GSE1: variants seen among roughly 807,000 people sequenced by gnomAD.
The protein encoded by GSE1 is Gse1 coiled-coil protein.
A neutral mutation model predicts 112.6 loss-of-function variants in GSE1; 32 were observed. The ratio of observed to expected loss-of-function variants is 0.28; its 90% CI spans 0.21 to 0.38. The LOEUF (loss-of-function observed/expected upper bound fraction) is 0.38. GSE1 is among the 10% of genes least tolerant of loss of function. The pLI is 1.00. For synonymous variants in GSE1, 1,115 were observed against 735.6 expected (o/e 1.52, Z -8.35); for missense variants, 2,348 against 1,699.2 (o/e 1.38, Z -6.71).
intron 2 of GSE1, among the ~76,000 whole-genome samples, chr16:85,644,416 C>T (rs1033072053): frequency 2.6e-5 from 4 of 151,456 alleles, no homozygotes; most frequent in African/African-American, 9.7e-5. Flanking sequence ...AGCCTGTATG[C>T]CACCAGCTGA....
intron 2 of GSE1, among the ~76,000 whole-genome samples, chr16:85,451,029 G>C (rs535642416): frequency 7.8e-6 from 1 of 127,530 alleles, no homozygotes; most frequent in South Asian, 2.6e-4. Flanking sequence ...AGCCAAGATC[G>C]CACCACTGCA....
intron 1 of GSE1, among the ~76,000 whole-genome samples, chr16:85,591,915 C>T (rs897146044): frequency 7.2e-5 from 11 of 152,184 alleles, no homozygotes; most frequent in African/African-American, 2.2e-4. Flanking sequence ...ATGCCCAAAT[C>T]GGAAGCCTCC....
At chr16:85,516,583 T>C (rs2051947929) in intron 2 of GSE1, among the ~76,000 whole-genome samples, 1 of 124,566 alleles carries the variant, frequency 8.0e-6, no homozygotes, top group Non-Finnish European at 1.6e-5. Context: ...GGAGACCCTG[T>C]CTCAAAAAAA....
chr16:85,630,349 C>CCTCAAAAAA (rs2049439039), intron 1 of GSE1, among the ~76,000 whole-genome samples: 1 of 152,180 alleles, frequency 6.6e-6, no homozygotes, highest in South Asian at 2.1e-4. Flanking sequence ...ACTTTATAGA[C>CCTCAAAAAA]ATTCTTTTTA....
chr16:85,370,104 C>G (rs554056674), intron 2 of GSE1, among the ~76,000 whole-genome samples: 41 of 152,276 alleles, frequency 2.7e-4, no homozygotes, highest in Admixed American at 7.8e-4. Flanking sequence ...ACTGGCCGGA[C>G]CCAGGAGGTT....
Position 85,245,153 on chromosome 16 carries a change from C to A in GSE1, c.2283+73346C>A, listed in dbSNP as rs117429057. 9.6e-3 allele frequency among the ~76,000 whole-genome samples: 1,451 copies of A among 151,570 alleles called. 12 individuals carry two copies. Among genetic ancestry groups the A allele is most frequent in the Non-Finnish European group, 0.016 (1,065 of 67,814 alleles). ...CTCCAGCCTGGGTGATAGAGTGAGA[C>A]CCTGTCTCAAGAAACAAAACAAAAC... On this transcript the variant is annotated intron_variant, in intron 1 of 2. Transcript: ENST00000637419.
At chr16:85,564,360 G>A (rs2045649043) in intron 1 of GSE1, among the ~76,000 whole-genome samples, 1 of 152,220 alleles carries the variant, frequency 6.6e-6, no homozygotes, top group Non-Finnish European at 1.5e-5. Flanking sequence ...CTGGGCATGG[G>A]GCCATCCCTG....
intron 1 of GSE1, among the ~76,000 whole-genome samples, chr16:85,252,018 C>G (rs939707847): frequency 2.6e-5 from 4 of 152,214 alleles, no homozygotes; most frequent in Admixed American, 6.5e-5. Context: ...AGGTGAGTCA[C>G]TGCCTGATCG....
Position 85,655,800 on chromosome 16 carries a change from C to T in GSE1, c.872C>T (p.Pro291Leu), listed in dbSNP as rs1335700157. ...YPIPTPGSLPPLHPSAMHLHL... is the reference protein window; with the variant it reads ...YPIPTPGSLPLLHPSAMHLHL... ...ATCCCCACCCCCGGCTCCCTGCCCC[C>T]ACTGCACCCATCAGCGATGCACCTG... is the stretch of plus-strand genomic sequence containing the variant. Residue 291 changes from proline (P) to leucine (L), a missense_variant, in exon 6 of 16, where the codon CCA (proline) becomes CTA (leucine). Physicochemically the swap from Pro to Leu is moderately conservative, Grantham distance 98. Coordinates refer to ENST00000253458, the MANE Select transcript of GSE1 (RefSeq NM_014615.5). The T allele has an allele frequency of 6.2e-7, 1 of 1,609,448 alleles. No homozygotes were observed. Among genetic ancestry groups the T allele is most frequent in the East Asian group, 2.2e-5 (1 of 44,874 alleles).
At chr16:85,331,661 A>ATGTG (rs1159802556) in intron 1 of GSE1, among the ~76,000 whole-genome samples, 1,040 of 85,342 alleles carry the variant, frequency 0.012, 79 homozygotes, top group Non-Finnish European at 0.019. Flanking sequence ...ATATGTGTAT[A>ATGTG]TGTGTGTGTG....
At chr16:85,422,370 G>T (rs575103370) in intron 2 of GSE1, among the ~76,000 whole-genome samples, 38,833 of 147,474 alleles carry the variant, frequency 0.26, 5,539 homozygotes, top group Non-Finnish European at 0.34. Flanking sequence ...TGGGCGGGGC[G>T]GGGGGGGGTG....
intron 12 of GSE1, 24 bp from the exon 13 acceptor site, chr16:85,665,952 T>G: frequency 6.2e-7 from 1 of 1,611,204 alleles, no homozygotes; most frequent in Non-Finnish European, 8.5e-7. Flanking sequence ...TTCTTAATAT[T>G]TTCCTTCACT....
chr16:85,234,997 C>G (rs1401844323), intron 1 of GSE1, among the ~76,000 whole-genome samples: 1 of 152,072 alleles, frequency 6.6e-6, no homozygotes, highest in Non-Finnish European at 1.5e-5. Context: ...GGGCCCTGAT[C>G]CCCCTCCTGG....
intron 3 of GSE1, among the ~76,000 whole-genome samples, chr16:85,651,129 C>T (rs897445546): frequency 2.9e-5 from 4 of 138,584 alleles, no homozygotes; most frequent in Admixed American, 1.4e-4. Context: ...CGGCTGCAGC[C>T]GCTGCTCAGA....
chr16:85,670,964 G>C (rs916099607), intron 14 of GSE1, 31 bp from the exon 15 acceptor site: 1 of 1,417,514 alleles, frequency 7.1e-7, no homozygotes, highest in East Asian at 2.3e-5. Context: ...CCTGCATACG[G>C]AAAATACATC....
chr16:85,487,197 C>G (rs1407750202), intron 2 of GSE1, among the ~76,000 whole-genome samples: 1 of 152,154 alleles, frequency 6.6e-6, no homozygotes, highest in African/African-American at 2.4e-5. Context: ...ATACAAATAG[C>G]CTCTCACTGG....
chr16:85,356,786 C>T (rs1227831366), intron 1 of GSE1, among the ~76,000 whole-genome samples: 4 of 152,244 alleles, frequency 2.6e-5, no homozygotes, highest in Non-Finnish European at 4.4e-5. Flanking sequence ...GCCACCGCGC[C>T]TGGCCTGTAT....
Position 85,331,433 on chromosome 16 carries a change from A to G in GSE1, c.2284-26030A>G, listed in dbSNP as rs557204897. Among the ~76,000 whole-genome samples, 212 of 144,214 alleles carry G rather than the reference A, an allele frequency of 1.5e-3. 12 individuals are homozygous for G. The highest frequency in any genetic ancestry group is 1.5e-3 in the Non-Finnish European group (102 of 66,426). 94.6% of individuals were successfully genotyped at this position (144,214 alleles called of 152,430 possible). ...TATATGCGTATATATGTATATATGT[A>G]TATATATGCGTATATATGTATATAT... On this transcript the variant is annotated intron_variant, in intron 1 of 2. Transcript: ENST00000637419.
chr16:85,186,502 C>CT (rs2074704475), intron 1 of GSE1, among the ~76,000 whole-genome samples: 1 of 151,754 alleles, frequency 6.6e-6, no homozygotes, highest in South Asian at 2.1e-4. Flanking sequence ...ACTAGAGAGG[C>CT]TGAGGCAGGA....
Sources: allele counts gnomAD v4.1 joint callset (sites outside exome capture counted in the v4.1 genomes callset), GRCh38; gene constraint gnomAD v4.1.1; transcripts MANE v1.5; gene names NCBI Gene and HGNC (gene_info 2026-07-23, HGNC 2026-07-21).